MSI2: variants seen among roughly 807,000 people sequenced by gnomAD.
The protein encoded by MSI2 is RNA-binding protein Musashi homolog 2.
Under a neutral mutation model 45.6 loss-of-function variants are expected in MSI2, and 17 were observed. That is an observed-to-expected ratio of 0.37 (90% CI 0.26 to 0.56). The LOEUF is 0.56. Ranked by LOEUF, MSI2 falls within the 20% of genes least tolerant of loss-of-function variation. MSI2 has a pLI of 0.77. For synonymous variants in MSI2, 156 were observed against 158.2 expected (o/e 0.99, Z 0.11); for missense variants, 293 against 444.2 (o/e 0.66, Z 3.06).
chr17:57,310,796 G>A (rs1310341356), intron 5 of MSI2, among the ~76,000 whole-genome samples: 1 of 152,166 alleles, frequency 6.6e-6, no homozygotes, highest in African/African-American at 2.4e-5. Flanking sequence ...GCAGATAGAG[G>A]TTGGTCCTAG....
rs1163251979 is a variant in MSI2, at chr17:57,314,230, A to T, written c.312+52038A>T. Among the ~76,000 whole-genome samples the T allele has an allele frequency of 2.6e-5, 4 of 152,106 alleles. No homozygotes were observed. In the East Asian group the frequency reaches 7.7e-4, roughly 29 times the overall value. ...TATTGGATTAGGGCCCACCCTAATG[A>T]TCCTATTTTAATTTAATTACCTCTG... On this transcript the variant is annotated intron_variant, in intron 5 of 13. Coordinates refer to ENST00000284073, the MANE Select transcript of MSI2 (RefSeq NM_138962.4).
intron 6 of MSI2, among the ~76,000 whole-genome samples, chr17:57,415,844 C>T (rs889824046): frequency 2.0e-5 from 3 of 152,144 alleles, no homozygotes; most frequent in East Asian, 1.9e-4. Flanking sequence ...CTGACAAATC[C>T]GGAACCATGG....
chr17:57,314,055 G>C (rs1372082770), intron 5 of MSI2, among the ~76,000 whole-genome samples: 1 of 151,836 alleles, frequency 6.6e-6, no homozygotes, highest in Non-Finnish European at 1.5e-5. Context: ...TGATAGGGTT[G>C]GCTCGTTCTG....
chr17:57,335,689 C>G (rs762574159), intron 5 of MSI2, among the ~76,000 whole-genome samples: 8 of 152,162 alleles, frequency 5.3e-5, no homozygotes, highest in Non-Finnish European at 1.2e-4. Flanking sequence ...AGTGCTGTGA[C>G]TGAATAAAAC....
At chr17:57,527,087 C>T (rs1173804169) in intron 6 of MSI2, among the ~76,000 whole-genome samples, 1 of 152,142 alleles carries the variant, frequency 6.6e-6, no homozygotes. Context: ...ACATTTATTT[C>T]CTAAGGGAAT....
At chr17:57,609,900 G>C (rs539196471) in intron 8 of MSI2, among the ~76,000 whole-genome samples, 1 of 152,210 alleles carries the variant, frequency 6.6e-6, no homozygotes, top group Non-Finnish European at 1.5e-5. Flanking sequence ...TAGGCAGATC[G>C]GGATTAACAT....
At chr17:57,592,776 G>C (rs1904954861) in intron 7 of MSI2, among the ~76,000 whole-genome samples, 1 of 152,162 alleles carries the variant, frequency 6.6e-6, no homozygotes, top group Admixed American at 6.5e-5. Context: ...ACCCTTCCTG[G>C]TGCAACAGTC....
At chr17:57,600,205 G>A (rs994277430) in intron 8 of MSI2, among the ~76,000 whole-genome samples, 1 of 152,258 alleles carries the variant, frequency 6.6e-6, no homozygotes, top group African/African-American at 2.4e-5. Flanking sequence ...ATGATTGTTA[G>A]AATGTGCATA....
intron 6 of MSI2, among the ~76,000 whole-genome samples, chr17:57,447,150 C>T (rs115183586): frequency 0.018 from 2,672 of 152,258 alleles, 79 homozygotes; most frequent in African/African-American, 0.06. Context: ...TGCAGTGACG[C>T]GATCATAACT....
At chr17:57,366,413 C>T (rs1038057613) in intron 5 of MSI2, among the ~76,000 whole-genome samples, 1 of 152,260 alleles carries the variant, frequency 6.6e-6, no homozygotes, top group Non-Finnish European at 1.5e-5. Flanking sequence ...CTTGGAGACA[C>T]ATTCTGTAAT....
At chr17:57,631,107 C>T (rs1909329734) in intron 10 of MSI2, 1 of 152,390 alleles carries the variant, frequency 6.6e-6, no homozygotes, top group South Asian at 2.1e-4. Flanking sequence ...CCCACTTTAC[C>T]CACTTCCCAC....
chr17:57,486,038 TC>T (rs899401824), intron 6 of MSI2, among the ~76,000 whole-genome samples: 7 of 152,206 alleles, frequency 4.6e-5, no homozygotes, highest in African/African-American at 1.7e-4. Flanking sequence ...CCAGGCTCAT[TC>T]CCTCAGTCAC....
chr17:57,629,244 CA>C (rs1212992841), intron 10 of MSI2: 1 of 152,216 alleles, frequency 6.6e-6, no homozygotes, highest in Non-Finnish European at 1.5e-5. Flanking sequence ...GCCTGGCCAA[CA>C]TGGTGAAACC....
In MSI2 at chr17:57,627,572, C is replaced by T; in HGVS notation, c.727+269C>T. On this transcript the variant is annotated intron_variant, in intron 10 of 13. Coordinates refer to ENST00000284073, the MANE Select transcript of MSI2 (RefSeq NM_138962.4). The surrounding 1 kb of genome is among the most constrained non-coding windows in gnomAD (Gnocchi z 4.6). The stretch of plus-strand genomic sequence containing the variant: ...AACGGAGGCAGGAGGCCTCCCTGTG[C>T]TCACCTCCTTTTTCTGAAGCCTCTT... 1.9e-6 allele frequency: 1 copy of T among 521,796 alleles called. No homozygotes were observed. The highest frequency in any genetic ancestry group is 2.4e-5 in the South Asian group (1 of 41,326). 32.3% of individuals were successfully genotyped at this position (521,796 alleles called of 1,614,324 possible).
At chr17:57,353,371 C>A (rs1410815961) in intron 5 of MSI2, among the ~76,000 whole-genome samples, 2 of 152,050 alleles carry the variant, frequency 1.3e-5, no homozygotes, top group Non-Finnish European at 2.9e-5. Context: ...TTGATTGATT[C>A]GATGTGATTC....
intron 6 of MSI2, among the ~76,000 whole-genome samples, chr17:57,440,201 T>C (rs2084771477): frequency 6.6e-6 from 1 of 152,150 alleles, no homozygotes; most frequent in African/African-American, 2.4e-5. Flanking sequence ...TGCCCTGTGC[T>C]CTAATAGAGG....
At chr17:57,513,730 C>T (rs376664922) in intron 6 of MSI2, among the ~76,000 whole-genome samples, 29 of 152,328 alleles carry the variant, frequency 1.9e-4, no homozygotes, top group African/African-American at 7.0e-4. Context: ...CTCTGGCCAG[C>T]TCCTTGTGCT....
intron 5 of MSI2, among the ~76,000 whole-genome samples, chr17:57,340,830 G>A (rs1468477261): frequency 6.6e-6 from 1 of 152,172 alleles, no homozygotes; most frequent in Non-Finnish European, 1.5e-5. Flanking sequence ...ATTCTTATCA[G>A]CGCATCTGAG....
At chr17:57,451,135 C>G (rs1285273296) in intron 6 of MSI2, among the ~76,000 whole-genome samples, 1 of 152,150 alleles carries the variant, frequency 6.6e-6, no homozygotes, top group Non-Finnish European at 1.5e-5. Context: ...GGGTTGAGTA[C>G]CAGATACTGT....
Sources: gnomAD v4.1 joint callset for allele counts (sites outside exome capture counted in the v4.1 genomes callset) on GRCh38, gnomAD v4.1.1 for gene constraint, Gnocchi (gnomAD v3.1) non-coding constraint, MANE v1.5 for transcripts, NCBI Gene and HGNC (gene_info 2026-07-23, HGNC 2026-07-21) for gene names.